The following FKBP5 variants were observed in gnomAD, a reference collection of about 807,000 sequenced individuals.
FKBP5 encodes the protein peptidyl-prolyl cis-trans isomerase FKBP5.
In FKBP5, 23 loss-of-function variants were observed where a neutral mutation model predicts 50.5. That is an observed-to-expected ratio of 0.46 (90% CI 0.33 to 0.65). FKBP5 has a LOEUF of 0.65. Ranked by LOEUF, FKBP5 falls within the 30% of genes least tolerant of loss-of-function variation. The pLI is 0.02. For synonymous variants in FKBP5, 176 were observed against 190.6 expected (o/e 0.92, Z 0.63); for missense variants, 411 against 553.1 (o/e 0.74, Z 2.58).
chr6:35,665,321 C>T (rs1765184907), intron 1 of FKBP5, among the ~76,000 whole-genome samples: 1 of 148,734 alleles, frequency 6.7e-6, no homozygotes, highest in African/African-American at 2.5e-5. Context: ...AGGAGTCTCA[C>T]TCTGTCACCA....
At chr6:35,633,447 G>A (rs756611017) in intron 3 of FKBP5, among the ~76,000 whole-genome samples, 26 of 150,916 alleles carry the variant, frequency 1.7e-4, no homozygotes, top group Non-Finnish European at 3.2e-4. Context: ...GGAGGCTGAG[G>A]CACGAGAATC....
intron 1 of FKBP5, among the ~76,000 whole-genome samples, chr6:35,663,290 A>G (rs1054923228): frequency 3.9e-5 from 6 of 152,248 alleles, no homozygotes; most frequent in African/African-American, 1.4e-4. Context: ...CCACTTGGCT[A>G]AAGTGAAGGG....
chr6:35,718,385 T>G (rs1305892771), intron 2 of FKBP5, among the ~76,000 whole-genome samples: 1 of 152,172 alleles, frequency 6.6e-6, no homozygotes, highest in African/African-American at 2.4e-5. Context: ...TTACTCCAGG[T>G]CAGTGATTTT....
chr6:35,722,740 C>T (rs78624761), intron 1 of FKBP5, among the ~76,000 whole-genome samples: 5,458 of 152,256 alleles, frequency 0.036, 210 homozygotes, highest in African/African-American at 0.09. Context: ...TGGCCAATTC[C>T]TCTCTCCCTG....
At chr6:35,581,297 T>C (rs957122116) in intron 8 of FKBP5, 7 of 453,020 alleles carry the variant, frequency 1.5e-5, no homozygotes, top group African/African-American at 4.3e-5. Flanking sequence ...TATATATATA[T>C]ATACATGCTC....
chr6:35,582,162 G>A, intron 8 of FKBP5: 1 of 922,264 alleles, frequency 1.1e-6, no homozygotes, highest in Non-Finnish European at 1.3e-6. Flanking sequence ...CACTCACTTA[G>A]GAGAGGGAAG....
At position 35,615,071 on chromosome 6, in the gene FKBP5, C is replaced by G. The variant is rs568968066; in HGVS notation, c.508+4025G>C. 7.3e-5 allele frequency among the ~76,000 whole-genome samples: 11 copies of G among 151,700 alleles called. No homozygotes were observed. In the South Asian group the frequency reaches 1.5e-3, roughly 20 times the overall value. Reference sequence around the variant, plus strand: ...CCTGGGAGGCGGAAGTTGCAGCGAGCTGAGATTGCACCACTGTACTCCAGC... The same window carrying G: ...CCTGGGAGGCGGAAGTTGCAGCGAGGTGAGATTGCACCACTGTACTCCAGC... On this transcript the variant is annotated intron_variant, in intron 5 of 10. Coordinates refer to ENST00000357266, the MANE Select transcript of FKBP5 (RefSeq NM_004117.4).
chr6:35,599,677 A>C (rs1186039702), intron 5 of FKBP5, among the ~76,000 whole-genome samples: 1 of 152,184 alleles, frequency 6.6e-6, no homozygotes, highest in Non-Finnish European at 1.5e-5. Context: ...CAGCTCCTCC[A>C]AACAAGGGCT....
chr6:35,582,165 G>A, intron 8 of FKBP5: 1 of 922,236 alleles, frequency 1.1e-6, no homozygotes, highest in Non-Finnish European at 1.3e-6. Context: ...TCACTTAGGA[G>A]AGGGAAGACT....
intron 1 of FKBP5, among the ~76,000 whole-genome samples, chr6:35,669,854 T>C (rs1044192879): frequency 6.6e-6 from 1 of 152,230 alleles, no homozygotes; most frequent in Non-Finnish European, 1.5e-5. Flanking sequence ...ACAATAACTA[T>C]AAAAGTCACC....
upstream of FKBP5, among the ~76,000 whole-genome samples, chr6:35,689,699 G>C (rs906570431): frequency 6.6e-6 from 1 of 151,918 alleles, no homozygotes; most frequent in Non-Finnish European, 1.5e-5. Flanking sequence ...AAATTAGCTG[G>C]GCTTGGTGGC....
chr6:35,590,474 C>G (rs948728499), intron 7 of FKBP5, among the ~76,000 whole-genome samples: 1 of 152,084 alleles, frequency 6.6e-6, no homozygotes, highest in Non-Finnish European at 1.5e-5. Flanking sequence ...GTGTCCAGGT[C>G]GGCTGCTGCT....
chr6:35,641,272 T>G (rs1158007346), intron 2 of FKBP5, among the ~76,000 whole-genome samples: 2 of 152,206 alleles, frequency 1.3e-5, no homozygotes. Context: ...CATGAGCCAC[T>G]GCACTCAGCC....
At chr6:35,618,819 C>T (rs1364443184) in intron 5 of FKBP5, among the ~76,000 whole-genome samples, 1 of 152,152 alleles carries the variant, frequency 6.6e-6, no homozygotes, top group African/African-American at 2.4e-5. Context: ...CTCAGCCTCC[C>T]GAGTAGCTGG....
intron 5 of FKBP5, among the ~76,000 whole-genome samples, chr6:35,609,138 A>C (rs1409391923): frequency 6.6e-6 from 1 of 152,164 alleles, no homozygotes; most frequent in Non-Finnish European, 1.5e-5. Context: ...CTACTGCTTC[A>C]GAGATCTTTC....
chr6:35,651,871 C>T, intron 1 of FKBP5: 1 of 1,121,478 alleles, frequency 8.9e-7, no homozygotes, highest in Non-Finnish European at 1.2e-6. Flanking sequence ...TGGTTAGGTG[C>T]AAAAAATAAA....
intron 3 of FKBP5, among the ~76,000 whole-genome samples, chr6:35,626,112 C>T (rs991562781): frequency 6.6e-6 from 1 of 152,124 alleles, no homozygotes; most frequent in African/African-American, 2.4e-5. Context: ...ATCTGGACTT[C>T]AGTTTTACTA....
At chr6:35,592,822 A>G (rs554796876) in intron 6 of FKBP5, among the ~76,000 whole-genome samples, 3 of 152,290 alleles carry the variant, frequency 2.0e-5, no homozygotes, top group Non-Finnish European at 4.4e-5. Flanking sequence ...TGGTGGGAAG[A>G]GGCCAGGAAT....
At chr6:35,647,977 C>A (rs987998112) in intron 1 of FKBP5, among the ~76,000 whole-genome samples, 1 of 152,144 alleles carries the variant, frequency 6.6e-6, no homozygotes, top group Non-Finnish European at 1.5e-5. Context: ...AGATAGACTT[C>A]GGACATTTTG....
Sources: allele counts gnomAD v4.1 joint callset (sites outside exome capture counted in the v4.1 genomes callset), GRCh38; gene constraint gnomAD v4.1.1; transcripts MANE v1.5; gene names NCBI Gene and HGNC (gene_info 2026-07-23, HGNC 2026-07-21).